Variants in DYNLT5 observed in about 807,000 individuals in gnomAD.
The protein encoded by DYNLT5 is dynein light chain Tctex-type 5.
In DYNLT5, 25 loss-of-function variants were observed where a neutral mutation model predicts 19.3. That is an observed-to-expected ratio of 1.30 (90% CI 0.95 to 1.81). The LOEUF is 1.81. DYNLT5 is among the 40% of genes most tolerant of loss of function. The probability of loss-of-function intolerance (pLI) is 0.00; values close to 1 mark genes in which losing one functional copy is unlikely to be tolerated. For synonymous variants in DYNLT5, 82 were observed against 68.9 expected (o/e 1.19, Z -0.94); for missense variants, 232 against 217.9 (o/e 1.06, Z -0.41).
chr1:66,776,215 C>A, intron 3 of DYNLT5, 64 bp from the exon 4 acceptor site: 1 of 1,568,024 alleles, frequency 6.4e-7, no homozygotes, highest in South Asian at 1.2e-5. Context: ...TTTGATTAGC[C>A]TATGGGGTGG....
In DYNLT5 at chr1:66,776,294, T is replaced by G. The variant is rs745566828; in HGVS notation, c.227T>G (p.Phe76Cys). Residue 76 changes from phenylalanine (F) to cysteine (C), a missense_variant, in exon 4 of 5, where the codon TTT becomes TGT. Physicochemically the swap from Phe to Cys is radical, Grantham distance 205. Coordinates refer to ENST00000282670, the MANE Select transcript of DYNLT5 (RefSeq NM_152665.3). ...GTATTTTCAGGTCCTCCCAAACATT[T>G]TCCTGTGGTCACCGTCAATCATATT... Reference protein sequence around the residue: ...NTYQLGPPKHFPVVTVNHILK... With the variant: ...NTYQLGPPKHCPVVTVNHILK... 6.2e-7 allele frequency: 1 copy of G among 1,612,442 alleles called. No individual in the cohort carries two copies. Among genetic ancestry groups the G allele is most frequent in the Admixed American group, 1.7e-5 (1 of 59,774 alleles).
chr1:66,752,974 T>C (rs1445228771), intron 1 of DYNLT5, among the ~76,000 whole-genome samples: 1 of 152,064 alleles, frequency 6.6e-6, no homozygotes, highest in Non-Finnish European at 1.5e-5. Context: ...CCGAGATGGG[T>C]CTATGTGGCT....
intron 1 of DYNLT5, among the ~76,000 whole-genome samples, chr1:66,753,900 T>C (rs2094631491): frequency 6.6e-6 from 1 of 152,116 alleles, no homozygotes; most frequent in African/African-American, 2.4e-5. Flanking sequence ...CGGTGAGCTA[T>C]GATCATGCCA....
rs1027547211 is a variant in DYNLT5, at chr1:66,777,517, C to T, written c.*63C>T. ...CTGAGGCAGGCTGTATGTCTGTACA[C>T]AAAAGTTTTACTGCCAAAAACTTTG... On this transcript the variant is annotated 3_prime_UTR_variant, in exon 5 of 5. Transcript: ENST00000282670. 7 of 1,443,306 alleles carry T rather than the reference C, an allele frequency of 4.8e-6. No individual in the cohort carries two copies. The highest frequency in any genetic ancestry group is 6.6e-6 in the Non-Finnish European group (7 of 1,066,270). 89.4% of individuals were successfully genotyped at this position (1,443,306 alleles called of 1,614,324 possible).
chr1:66,770,255 A>G, intron 2 of DYNLT5, 132 bp from the exon 3 acceptor site: 1 of 634,260 alleles, frequency 1.6e-6, no homozygotes, highest in Non-Finnish European at 2.8e-6. Flanking sequence ...TGCCACTAGG[A>G]TATTTACATA....
In DYNLT5 at chr1:66,752,534, T is replaced by C; in HGVS notation, c.-54T>C. ...CGCGGGAGCCGCGCCGCGCGCAGTG[T>C]CTGCAGTGCCGGAGGTCTGGGAGGC... On this transcript the variant is annotated 5_prime_UTR_variant, in exon 1 of 5. Transcript: ENST00000282670. 1 of 985,574 alleles carries C rather than the reference T, an allele frequency of 1.0e-6. No individual in the cohort carries two copies. Among genetic ancestry groups the C allele is most frequent in the Non-Finnish European group, 1.2e-6 (1 of 830,024 alleles). The allele number at this position is 985,574 out of a possible 1,614,324, so 61.1% of individuals were successfully genotyped here.
chr1:66,767,451 T>A (rs747508739), intron 2 of DYNLT5, among the ~76,000 whole-genome samples: 1 of 151,966 alleles, frequency 6.6e-6, no homozygotes, highest in Non-Finnish European at 1.5e-5. Flanking sequence ...AGAGATGGGG[T>A]TTTGCCATGT....
chr1:66,764,599 A>C (rs906915726), intron 2 of DYNLT5, among the ~76,000 whole-genome samples: 1 of 152,240 alleles, frequency 6.6e-6, no homozygotes, highest in African/African-American at 2.4e-5. Flanking sequence ...ATCGCTCTCC[A>C]TAACAGATGT....
In DYNLT5 at chr1:66,776,408, G is replaced by T; in HGVS notation, c.336+5G>T. The T allele has an allele frequency of 2.5e-6, 4 of 1,594,738 alleles. No individual in the cohort carries two copies. Among genetic ancestry groups the T allele is most frequent in the Non-Finnish European group, 3.4e-6 (4 of 1,168,538 alleles). Reference sequence around the variant, plus strand: ...ATGACTAAAACCATTTCTGAGGTACGTGTGTGATTTGCCCAAAGTGTTAAC... The same window carrying T: ...ATGACTAAAACCATTTCTGAGGTACTTGTGTGATTTGCCCAAAGTGTTAAC... On this transcript the variant is annotated splice_donor_5th_base_variant and intron_variant, in intron 4 of 4. Coordinates refer to ENST00000282670, the MANE Select transcript of DYNLT5 (RefSeq NM_152665.3).
At chr1:66,756,519 T>G (rs2094636294) in intron 2 of DYNLT5, among the ~76,000 whole-genome samples, 1 of 152,238 alleles carries the variant, frequency 6.6e-6, no homozygotes, top group African/African-American at 2.4e-5. Flanking sequence ...TAACTTTCAT[T>G]TGAAAATTAC....
At position 66,754,760 on chromosome 1, in the gene DYNLT5, T is replaced by G. The variant is rs2094633028; in HGVS notation, c.102T>G (p.Ile34Met). 3 of 1,612,204 alleles carry G rather than the reference T, an allele frequency of 1.9e-6. No individual in the cohort carries two copies. Among genetic ancestry groups the G allele is most frequent in the Non-Finnish European group, 2.5e-6 (3 of 1,179,508 alleles). Residue 34 changes from isoleucine (I) to methionine (M), a missense_variant, in exon 2 of 5, where the codon ATT becomes ATG. Transcript: ENST00000282670. ...ATCATGAATTTTGGCGAAAGGAAAT[T>G]CATGGGCGCATCAAAGAGTGAGTAA... ...LSNHEFWRKE[I>M]HGRIKDSMST...
intron 1 of DYNLT5, among the ~76,000 whole-genome samples, chr1:66,753,039 A>G (rs952350951): frequency 6.6e-6 from 1 of 152,200 alleles, no homozygotes; most frequent in African/African-American, 2.4e-5. Flanking sequence ...TTCCACACTC[A>G]TAAACACACT....
intron 4 of DYNLT5, 104 bp downstream of exon 4, chr1:66,776,507 G>A: frequency 7.4e-7 from 1 of 1,346,204 alleles, no homozygotes; most frequent in Non-Finnish European, 1.0e-6. Context: ...TGCAGTAACA[G>A]TTAAAATGCG....
At chr1:66,761,581 A>G (rs1387431888) in intron 2 of DYNLT5, among the ~76,000 whole-genome samples, 6 of 152,146 alleles carry the variant, frequency 3.9e-5, no homozygotes, top group African/African-American at 1.2e-4. Flanking sequence ...CCAGGGGTTC[A>G]AGACCAGCCT....
At chr1:66,772,880 G>A (rs1048447436) in intron 3 of DYNLT5, among the ~76,000 whole-genome samples, 2 of 152,140 alleles carry the variant, frequency 1.3e-5, no homozygotes, top group East Asian at 1.9e-4. Flanking sequence ...GGCATCTGTC[G>A]TATCTGAATT....
Position 66,754,790 on chromosome 1 carries a change from C to T in DYNLT5, c.119+13C>T, listed in dbSNP as rs1458704080. On this transcript the variant is annotated intron_variant, in intron 2 of 4. Transcript: ENST00000282670. Reference sequence around the variant, plus strand: ...GGCGCATCAAAGAGTGAGTAACTGTCTAAAATTGTAAATTCATTTATTGAA... The same window carrying T: ...GGCGCATCAAAGAGTGAGTAACTGTTTAAAATTGTAAATTCATTTATTGAA... The T allele has an allele frequency of 5.6e-6, 9 of 1,600,644 alleles. No individual in the cohort carries two copies. Among genetic ancestry groups the T allele is most frequent in the Non-Finnish European group, 7.7e-6 (9 of 1,175,368 alleles).
rs770064290 is a variant in DYNLT5 at position 66,777,431 on chromosome 1, G to C, written c.517G>C (p.Val173Leu). 1.2e-6 allele frequency: 2 copies of C among 1,613,490 alleles called. No individual in the cohort carries two copies. The highest frequency in any genetic ancestry group is 3.3e-5 in the Admixed American group (2 of 59,964). ...RNSSLFALAN[V>L]YAVYLE ...TTCTTCTCTCTTCGCTCTTGCAAAT[G>C]TCTATGCAGTTTACCTTGAGTGATT... The change falls in exon 5 of 5, where the codon GTC becomes CTC. Residue 173 changes from valine to leucine, a missense_variant. By Grantham distance (32) the Val-to-Leu change is conservative. Coordinates refer to ENST00000282670, the MANE Select transcript of DYNLT5 (RefSeq NM_152665.3).
At chr1:66,756,948 A>G (rs1020114720) in intron 2 of DYNLT5, among the ~76,000 whole-genome samples, 5 of 152,130 alleles carry the variant, frequency 3.3e-5, no homozygotes, top group Non-Finnish European at 7.3e-5. Flanking sequence ...CACTTCTTCC[A>G]TCAGAATTTC....
intron 2 of DYNLT5, among the ~76,000 whole-genome samples, chr1:66,759,910 C>A (rs1219155536): frequency 6.6e-6 from 1 of 152,136 alleles, no homozygotes; most frequent in Non-Finnish European, 1.5e-5. Context: ...TCTTTCACTC[C>A]TTTTCTTCTT....
Sources: allele counts gnomAD v4.1 joint callset (sites outside exome capture counted in the v4.1 genomes callset), GRCh38; gene constraint gnomAD v4.1.1; transcripts MANE v1.5; gene names NCBI Gene and HGNC (gene_info 2026-07-23, HGNC 2026-07-21).